Variants in SYNDIG1L observed in about 807,000 individuals in gnomAD.
The protein encoded by SYNDIG1L is synapse differentiation inducing 1 like, also known as synapse differentiation-inducing gene protein 1-like.
A neutral mutation model predicts 20.1 loss-of-function variants in SYNDIG1L; 13 were observed. The observed-to-expected ratio is 0.65, with a 90% CI of 0.42 to 1.03. The LOEUF (loss-of-function observed/expected upper bound fraction) is 1.03. Among genes scored for constraint, SYNDIG1L ranks in the 50% least tolerant of loss-of-function variants. SYNDIG1L has a pLI of 0.00. For missense variants in SYNDIG1L, 294 were observed against 305.1 expected (o/e 0.96, Z 0.27); for synonymous variants, 128 against 129.3 (o/e 0.99, Z 0.07).
the SYNDIG1L span, among the ~76,000 whole-genome samples, chr14:74,449,906 C>G: frequency 6.6e-6 from 1 of 151,688 alleles, no homozygotes; most frequent in Non-Finnish European, 1.5e-5. Context: ...GAATAGGAAA[C>G]AGAAAAACAA....
chr14:74,464,986 G>A, the SYNDIG1L span, among the ~76,000 whole-genome samples: 1 of 152,190 alleles, frequency 6.6e-6, no homozygotes, highest in Non-Finnish European at 1.5e-5. Context: ...GTTCTTGGAG[G>A]GATCATCCCC....
At chr14:74,419,878 G>T (rs535494144) in intron 1 of SYNDIG1L, among the ~76,000 whole-genome samples, 4 of 152,284 alleles carry the variant, frequency 2.6e-5, no homozygotes, top group African/African-American at 9.6e-5. Context: ...GTGATATAGA[G>T]GGGAAGCCAG....
chr14:74,432,472 T>C, the SYNDIG1L span, among the ~76,000 whole-genome samples: 3 of 152,246 alleles, frequency 2.0e-5, no homozygotes, highest in Non-Finnish European at 2.9e-5. Context: ...GGCTCTGTCA[T>C]GTCAATGAGA....
rs2086113152 is a variant in SYNDIG1L, at chr14:74,409,525, G to A, written c.220C>T (p.Leu74=). Residue 74 remains leucine, a synonymous_variant, in exon 2 of 4, where the codon CTG becomes TTG. Transcript: ENST00000331628. ...GGCTCCTTGACCTTGTCTCTCCCCA[G>A]GAGGCAGCTGGGCCGGTACCAGGCC... is the stretch of plus-strand genomic sequence containing the variant. The part of the protein sequence containing the change: ...VEAWYRPSCL[L]GRDKVKEPRA... The A allele has an allele frequency of 1.3e-6, 2 of 1,594,574 alleles. No individual in the cohort carries two copies. Among genetic ancestry groups the A allele is most frequent in the East Asian group, 2.3e-5 (1 of 44,334 alleles).
At chr14:74,464,774 G>A in the SYNDIG1L span, among the ~76,000 whole-genome samples, 5 of 152,242 alleles carry the variant, frequency 3.3e-5, no homozygotes, top group Admixed American at 6.5e-5. Flanking sequence ...GATTCACAGG[G>A]TTGTCTTGAA....
chr14:74,418,057 T>C (rs1330465073), intron 1 of SYNDIG1L, among the ~76,000 whole-genome samples: 1 of 152,214 alleles, frequency 6.6e-6, no homozygotes, highest in Non-Finnish European at 1.5e-5. Context: ...TGTAAATTAT[T>C]AAAATCCAGG....
At chr14:74,431,308 C>A in the SYNDIG1L span, among the ~76,000 whole-genome samples, 1 of 152,172 alleles carries the variant, frequency 6.6e-6, no homozygotes, top group East Asian at 1.9e-4. Flanking sequence ...GGAAAGTGAG[C>A]CTTTCTCCCT....
At chr14:74,452,996 A>G in the SYNDIG1L span, among the ~76,000 whole-genome samples, 2 of 152,196 alleles carry the variant, frequency 1.3e-5, no homozygotes, top group Non-Finnish European at 2.9e-5. Context: ...TACATACAGT[A>G]TTACTCCATT....
chr14:74,453,642 T>C, the SYNDIG1L span, among the ~76,000 whole-genome samples: 2 of 151,758 alleles, frequency 1.3e-5, no homozygotes, highest in African/African-American at 4.8e-5. Context: ...AAAAAGAAGT[T>C]AGAAAAAGAA....
intron 2 of SYNDIG1L, among the ~76,000 whole-genome samples, chr14:74,408,585 ACACTTTCAATGAC>A (rs1312314391): frequency 6.6e-6 from 1 of 151,826 alleles, no homozygotes; most frequent in Non-Finnish European, 1.5e-5. Context: ...AAAAAAAGAA[ACACTTTCAATGAC>A]CAGTGACCAG....
the SYNDIG1L span, among the ~76,000 whole-genome samples, chr14:74,449,612 A>AG: frequency 2.2e-4 from 33 of 147,072 alleles, no homozygotes; most frequent in African/African-American, 7.4e-4. Flanking sequence ...CTGTGCCTTA[A>AG]AAAAAAAAAA....
chr14:74,409,251 AAT>A, intron 2 of SYNDIG1L, 75 bp downstream of exon 2: 1 of 1,130,950 alleles, frequency 8.8e-7, no homozygotes, highest in Non-Finnish European at 1.2e-6. Flanking sequence ...GCTAATTTTC[AAT>A]TTTTTTTTTT....
the SYNDIG1L span, among the ~76,000 whole-genome samples, chr14:74,435,413 A>C: frequency 6.6e-6 from 1 of 152,232 alleles, no homozygotes; most frequent in East Asian, 1.9e-4. Context: ...TAAGATCTTC[A>C]AGAATCTTCT....
At chr14:74,454,079 T>C in the SYNDIG1L span, among the ~76,000 whole-genome samples, 1 of 152,186 alleles carries the variant, frequency 6.6e-6, no homozygotes, top group East Asian at 1.9e-4. Flanking sequence ...AAGTAGATTG[T>C]CCAAAGTCAC....
intron 2 of SYNDIG1L, among the ~76,000 whole-genome samples, chr14:74,408,615 A>G (rs1283541945): frequency 6.6e-6 from 1 of 152,082 alleles, no homozygotes; most frequent in East Asian, 1.9e-4. Context: ...CCAGGAGACT[A>G]TGTTAATAAA....
intron 1 of SYNDIG1L, among the ~76,000 whole-genome samples, chr14:74,415,515 C>A (rs1169351997): frequency 6.6e-6 from 1 of 152,106 alleles, no homozygotes; most frequent in African/African-American, 2.4e-5. Flanking sequence ...AAATGTATAA[C>A]CACTATGAGG....
At position 74,407,451 on chromosome 14, in the gene SYNDIG1L, G is replaced by C; in HGVS notation, c.*84C>G. On this transcript the variant is annotated 3_prime_UTR_variant, in exon 4 of 4. Transcript: ENST00000331628. ...TCTCACGGGATCATCTTCAGGGGCC[G>C]GGCCTTTCCATAGGGTCTGCAACTC... 1 of 1,574,692 alleles carries C rather than the reference G, an allele frequency of 6.4e-7. No homozygotes were observed. The highest frequency in any genetic ancestry group is 8.6e-7 in the Non-Finnish European group (1 of 1,158,774).
At chr14:74,451,162 T>C in the SYNDIG1L span, among the ~76,000 whole-genome samples, 8 of 152,200 alleles carry the variant, frequency 5.3e-5, no homozygotes, top group Admixed American at 5.2e-4. Context: ...TGACACTACC[T>C]GATTTCAAAA....
chr14:74,427,167 A>G (rs987101308), upstream of SYNDIG1L, among the ~76,000 whole-genome samples: 6 of 131,840 alleles, frequency 4.6e-5, no homozygotes, highest in Non-Finnish European at 6.1e-5. Context: ...GAGTGTTACC[A>G]GTGGATGAAC....
Sources: gnomAD v4.1 joint callset for allele counts (sites outside exome capture counted in the v4.1 genomes callset) on GRCh38, gnomAD v4.1.1 for gene constraint, MANE v1.5 for transcripts, NCBI Gene and HGNC (gene_info 2026-07-23, HGNC 2026-07-21) for gene names.